Variants in CCDC88A observed in about 807,000 individuals in gnomAD.
The protein encoded by CCDC88A is girdin.
CCDC88A carries 54 observed loss-of-function variants against 234.3 expected under a neutral mutation model. That is an observed-to-expected ratio of 0.23 (90% CI 0.19 to 0.29). The LOEUF (loss-of-function observed/expected upper bound fraction) is 0.29, where lower values mean the gene tolerates loss of function less well. CCDC88A is among the 10% of genes least tolerant of loss of function. The probability of loss-of-function intolerance (pLI) is 1.00; values close to 1 mark genes in which losing one functional copy is unlikely to be tolerated. For synonymous variants in CCDC88A, 753 were observed against 737.8 expected, an observed-to-expected ratio of 1.02 and a Z score of -0.33; for missense variants, 1,832 against 2,123.4, an observed-to-expected ratio of 0.86 and a Z score of 2.70.
At chr2:55,337,625 A>G (rs1667961800) in intron 13 of CCDC88A, 2 of 152,124 alleles carry the variant, frequency 1.3e-5, no homozygotes, top group East Asian at 3.9e-4. Flanking sequence ...TTCCAATAAT[A>G]TTTCCAGCCT....
intron 31 of CCDC88A, 139 bp downstream of exon 31, chr2:55,295,458 C>G: frequency 6.4e-7 from 1 of 1,564,098 alleles, no homozygotes; most frequent in Non-Finnish European, 8.7e-7. Flanking sequence ...AAAATGTGAC[C>G]TTCCTGTTCT....
At chr2:55,360,753 C>G (rs1226752587) in intron 7 of CCDC88A, among the ~76,000 whole-genome samples, 1 of 152,040 alleles carries the variant, frequency 6.6e-6, no homozygotes, top group African/African-American at 2.4e-5. Context: ...AGATGTCCAG[C>G]CTGAGATCAA....
intron 5 of CCDC88A, among the ~76,000 whole-genome samples, chr2:55,370,191 T>C (rs1672609415): frequency 6.6e-6 from 1 of 152,160 alleles, no homozygotes; most frequent in Non-Finnish European, 1.5e-5. Flanking sequence ...TTAAGTTTCT[T>C]GACAAGCTGA....
At chr2:55,340,402 A>C (rs1668330311) in intron 12 of CCDC88A, 1 of 152,204 alleles carries the variant, frequency 6.6e-6, no homozygotes, top group Non-Finnish European at 1.5e-5. Flanking sequence ...CCATGCAAAA[A>C]ATCTCTTCAA....
intron 29 of CCDC88A, chr2:55,297,246 T>C (rs1480706890): frequency 4.1e-5 from 5 of 123,064 alleles, no homozygotes; most frequent in African/African-American, 1.5e-4. Context: ...TATATATATA[T>C]ATTTCATCTA....
chr2:55,314,738 T>C (rs150315830), intron 22 of CCDC88A: 14 of 152,286 alleles, frequency 9.2e-5, no homozygotes, highest in African/African-American at 3.4e-4. Flanking sequence ...TAGAGCTCAA[T>C]GAATTATCAC....
In CCDC88A at chr2:55,374,386, A is replaced by T. The variant is rs189214990; in HGVS notation, c.343+428T>A. Among the ~76,000 whole-genome samples, 3 of 151,496 alleles carry T rather than the reference A, an allele frequency of 2.0e-5. No individual in the cohort carries two copies. The East Asian group carries it at 5.8e-4, about 29-fold the overall frequency. On this transcript the variant is annotated intron_variant, in intron 4 of 32. Coordinates refer to ENST00000436346, the MANE Select transcript of CCDC88A (RefSeq NM_001365480.1). ...TGCATCTCTAAATAAATAAATAAATAAATAAAACATATCAATCAGTAAAAC... is the reference window on the plus strand; with the variant it reads ...TGCATCTCTAAATAAATAAATAAATTAATAAAACATATCAATCAGTAAAAC...
rs57996645 is a variant in CCDC88A, at chr2:55,328,744, C to CTTTGTTTTGT, written c.2856-319_2856-310dup. On this transcript the variant is annotated intron_variant, in intron 16 of 32. Transcript: ENST00000436346. This position sits in a 1 kb window ranked among gnomAD's most constrained non-coding sequence, Gnocchi z 4.3. ...ATATCCTTTTTATTAATGAAGACTCCTTTGTTTTGTTTTGTTTTGTTTTGT... is the reference window on the plus strand; with the variant it reads ...ATATCCTTTTTATTAATGAAGACTCCTTTGTTTTGTTTTGTTTTGTTTTGTTTTGTTTTGT... 83 of 168,524 alleles carry CTTTGTTTTGT rather than the reference C, an allele frequency of 4.9e-4. No homozygotes were observed. The highest frequency in any genetic ancestry group is 7.1e-4 in the Admixed American group (11 of 15,566). The allele number at this position is 168,524 out of a possible 1,614,324, so 10.4% of individuals were successfully genotyped here.
chr2:55,312,860 T>G (rs1217842069), intron 22 of CCDC88A: 1 of 227,262 alleles, frequency 4.4e-6, no homozygotes, highest in Non-Finnish European at 8.6e-6. Flanking sequence ...TCTTTAAAAC[T>G]GTTTAACTTA....
chr2:55,302,714 C>T (rs1382571624), intron 26 of CCDC88A: 1 of 161,488 alleles, frequency 6.2e-6, no homozygotes, highest in African/African-American at 2.4e-5. Flanking sequence ...AGGAAATTAA[C>T]TTCTAATGCT....
chr2:55,301,582 T>A (rs539284209), intron 27 of CCDC88A: 20 of 514,808 alleles, frequency 3.9e-5, no homozygotes, highest in Non-Finnish European at 6.1e-5. Context: ...GCTTTTAGTT[T>A]TTAGAAAACT....
rs921149005 is a variant in CCDC88A at position 55,294,944 on chromosome 2, A to G, written c.5551+653T>C. ...ATGTACAGCTGAACACTGTGCAACAATTTTAAATAAAAAATAAAAACCTAG... is the reference window on the plus strand; with the variant it reads ...ATGTACAGCTGAACACTGTGCAACAGTTTTAAATAAAAAATAAAAACCTAG... On this transcript the variant is annotated intron_variant, in intron 31 of 32. Coordinates refer to ENST00000436346, the MANE Select transcript of CCDC88A (RefSeq NM_001365480.1). 4 of 1,192,472 alleles carry G rather than the reference A, an allele frequency of 3.4e-6. No homozygotes were observed. In the African/African-American group the frequency reaches 6.4e-5, roughly 19 times the overall value. The allele number at this position is 1,192,472 out of a possible 1,614,324, so 73.9% of individuals were successfully genotyped here. A position where few individuals can be genotyped will look rare whatever the true frequency, so the allele number is the denominator to read the frequency against.
chr2:55,384,525 A>ATGTG (rs1558787458), intron 3 of CCDC88A, among the ~76,000 whole-genome samples: 6 of 92,304 alleles, frequency 6.5e-5, no homozygotes, highest in East Asian at 4.7e-4. Flanking sequence ...TAAATTATAT[A>ATGTG]TATATACATA....
chr2:55,392,489 C>T (rs1676810641), intron 2 of CCDC88A, among the ~76,000 whole-genome samples: 1 of 152,196 alleles, frequency 6.6e-6, no homozygotes, highest in African/African-American at 2.4e-5. Context: ...TACATTCATT[C>T]AGCTCTTCTT....
At chr2:55,348,276 A>ATT (rs70954104) in intron 9 of CCDC88A, among the ~76,000 whole-genome samples, 4 of 145,456 alleles carry the variant, frequency 2.7e-5, no homozygotes, top group Non-Finnish European at 4.6e-5. Flanking sequence ...AAGTGACTTA[A>ATT]TTTTTTTTTT....
At chr2:55,343,908 TC>T in intron 11 of CCDC88A, 116 bp from the exon 12 acceptor site, 2 of 884,880 alleles carry the variant, frequency 2.3e-6, no homozygotes, top group Non-Finnish European at 3.3e-6. Flanking sequence ...AATTATGAGT[TC>T]TTTAAATTTT....
chr2:55,336,379 A>G (rs1387208532), intron 14 of CCDC88A, among the ~76,000 whole-genome samples: 2 of 151,994 alleles, frequency 1.3e-5, no homozygotes, highest in Admixed American at 6.6e-5. Context: ...GGCCAACTCC[A>G]CTCAGGGACT....
chr2:55,408,467 A>C (rs561936065), intron 2 of CCDC88A, among the ~76,000 whole-genome samples: 11 of 152,274 alleles, frequency 7.2e-5, no homozygotes, highest in Admixed American at 6.5e-4. Flanking sequence ...CCACGCTGAC[A>C]AAACAGGTTG....
chr2:55,319,010 A>C lies in CCDC88A; in HGVS notation c.3163-6T>G. Reference sequence around the variant, plus strand: ...TCTGCTTGCAGTGTAGCATTCTTGAAAAACAAAAACCAAAACCAAACATAT... The same window carrying C: ...TCTGCTTGCAGTGTAGCATTCTTGACAAACAAAAACCAAAACCAAACATAT... On this transcript the variant is annotated splice_region_variant and splice_polypyrimidine_tract_variant and intron_variant, in intron 18 of 32. Coordinates refer to ENST00000436346, the MANE Select transcript of CCDC88A (RefSeq NM_001365480.1). The C allele has an allele frequency of 1.9e-6, 3 of 1,609,838 alleles. No individual in the cohort carries two copies. Among genetic ancestry groups the C allele is most frequent in the Non-Finnish European group, 2.5e-6 (3 of 1,177,528 alleles).
Sources: allele counts gnomAD v4.1 joint callset (sites outside exome capture counted in the v4.1 genomes callset), GRCh38; gene constraint gnomAD v4.1.1; non-coding constraint Gnocchi (gnomAD v3.1); transcripts MANE v1.5; gene names NCBI Gene and HGNC (gene_info 2026-07-23, HGNC 2026-07-21).